Variants in FER1L5 observed in about 807,000 individuals in gnomAD.
FER1L5 encodes the protein fer-1 like family member 5.
A neutral mutation model predicts 279.9 loss-of-function variants in FER1L5; 187 were observed. That is an observed-to-expected ratio of 0.67 (90% CI 0.59 to 0.75). FER1L5 has a LOEUF of 0.75. Ranked by LOEUF, FER1L5 falls within the 30% of genes least tolerant of loss-of-function variation. The probability of loss-of-function intolerance (pLI) is 0.00; values close to 1 mark genes in which losing one functional copy is unlikely to be tolerated. For synonymous variants in FER1L5, 921 were observed against 989.7 expected, an observed-to-expected ratio of 0.93 and a Z score of 1.30; for missense variants, 2,091 against 2,594.4, an observed-to-expected ratio of 0.81 and a Z score of 4.21.
chr2:96,659,134 C>T (rs2075718606), intron 9 of FER1L5, among the ~76,000 whole-genome samples: 2 of 151,558 alleles, frequency 1.3e-5, no homozygotes, highest in Admixed American at 6.6e-5. Context: ...GGGATTTCAC[C>T]GTGTTAGCCA....
In FER1L5 at chr2:96,703,587, G is replaced by A. The variant is rs1371809293; in HGVS notation, c.5756G>A (p.Arg1919Gln). Residue 1919 changes from arginine to glutamine, a missense_variant, in exon 51 of 53, where the codon CGA (arginine) becomes CAA (glutamine). Transcript: ENST00000624922. ...GAAGCCTTAATCAAGCCAGCCGGGC[G>A]AGGCCAGTCGGAACCCAACCAGTAC... is the stretch of plus-strand genomic sequence containing the variant. ...EKEALIKPAG[R>Q]GQSEPNQYPT... 6 of 1,613,790 alleles carry A rather than the reference G, an allele frequency of 3.7e-6. No homozygotes were observed. Among genetic ancestry groups the A allele is most frequent in the African/African-American group, 1.3e-5 (1 of 74,880 alleles).
chr2:96,652,284 T>C (rs1393510043), intron 7 of FER1L5: 2 of 482,474 alleles, frequency 4.1e-6, no homozygotes, highest in African/African-American at 3.9e-5. Context: ...TTTACAGAGG[T>C]CTGGGAGTAT....
At chr2:96,659,404 T>C (rs1300568345) in intron 9 of FER1L5, among the ~76,000 whole-genome samples, 84 of 5,612 alleles carry the variant, frequency 0.015, no homozygotes, top group Non-Finnish European at 0.02. Context: ...TTTCTTTCTT[T>C]CTTTCTTTCT....
chr2:96,649,400 A>C (rs1453120450), intron 4 of FER1L5, among the ~76,000 whole-genome samples: 1 of 152,030 alleles, frequency 6.6e-6, no homozygotes. Flanking sequence ...GCTTTAATCT[A>C]CAAACATCCC....
At chr2:96,660,487 G>T in intron 10 of FER1L5, 116 bp downstream of exon 10, 1 of 879,910 alleles carries the variant, frequency 1.1e-6, no homozygotes, top group Non-Finnish European at 1.8e-6. Context: ...ATTAGAGATT[G>T]TAAATTATTT....
intron 4 of FER1L5, 106 bp downstream of exon 4, chr2:96,647,992 C>T (rs1460372337): frequency 1.3e-6 from 1 of 777,930 alleles, no homozygotes; most frequent in Non-Finnish European, 2.2e-6. Flanking sequence ...GGCCCCATCA[C>T]ACTGCCTTCC....
Position 96,690,517 on chromosome 2 carries a change from G to T in FER1L5, c.2671G>T (p.Val891Leu). 6.4e-7 allele frequency: 1 copy of T among 1,551,628 alleles called. No individual in the cohort carries two copies. ...NGQPMEARENVKCPQGWHFKK... is the reference protein window; with the variant it reads ...NGQPMEARENLKCPQGWHFKK... ...ACAGCCCATGGAGGCCCGGGAGAAC[G>T]TGAAGTGCCCCCAAGGCTGGCACTT... is the stretch of plus-strand genomic sequence containing the variant. Residue 891 changes from valine to leucine, a missense_variant, in exon 27 of 53, where the codon GTG becomes TTG. Val to Leu is a conservative substitution (Grantham distance 32). Coordinates refer to ENST00000624922, the MANE Select transcript of FER1L5 (RefSeq NM_001293083.2).
rs762893954 is a variant in FER1L5, at chr2:96,703,003, C to T, written c.5423C>T (p.Thr1808Met). Residue 1808 changes from threonine to methionine, a missense_variant, in exon 49 of 53, where the codon ACG becomes ATG. Coordinates refer to ENST00000624922, the MANE Select transcript of FER1L5 (RefSeq NM_001293083.2). ...QKDYIWSLDA[T>M]SMKFPARLII... ...GATTACATATGGAGCCTGGATGCCACGTCCATGAAGTTCCCAGCCCGACTT... is the reference window on the plus strand; with the variant it reads ...GATTACATATGGAGCCTGGATGCCATGTCCATGAAGTTCCCAGCCCGACTT... 17 of 1,612,946 alleles carry T rather than the reference C, an allele frequency of 1.1e-5. No individual in the cohort carries two copies. Among genetic ancestry groups the T allele is most frequent in the Non-Finnish European group, 1.4e-5 (16 of 1,179,554 alleles).
intron 22 of FER1L5, 33 bp from the exon 23 acceptor site, chr2:96,686,162 C>T (rs1388655182): frequency 7.8e-6 from 12 of 1,546,936 alleles, no homozygotes; most frequent in South Asian, 1.2e-5. Flanking sequence ...GGGAGCCAGC[C>T]GCGCAGGGCC....
At chr2:96,659,533 C>A (rs1213171770) in intron 9 of FER1L5, among the ~76,000 whole-genome samples, 2 of 141,396 alleles carry the variant, frequency 1.4e-5, no homozygotes, top group African/African-American at 5.3e-5. Context: ...GCTCTGTCGC[C>A]CAGGCTGGAG....
chr2:96,668,767 G>A lies in FER1L5; in HGVS notation c.1157G>A (p.Ser386Asn). ...TFRIQLPCLS[S>N]YIKFRVLDCR... Reference sequence around the variant, plus strand: ...CCTCCACAGCTACCCTGCCTCTCCAGCTACATCAAGTTCAGAGTCTTGGAC... The same window carrying A: ...CCTCCACAGCTACCCTGCCTCTCCAACTACATCAAGTTCAGAGTCTTGGAC... Residue 386 changes from serine (S) to asparagine (N), a missense_variant, in exon 15 of 53, where the codon AGC (serine) becomes AAC (asparagine). By Grantham distance (46) the Ser-to-Asn change is conservative. Transcript: ENST00000624922. The A allele has an allele frequency of 6.4e-7, 1 of 1,551,602 alleles. No homozygotes were observed. The highest frequency in any genetic ancestry group is 8.7e-7 in the Non-Finnish European group (1 of 1,146,956).
chr2:96,704,539 C>T lies in FER1L5; in HGVS notation c.6021C>T (p.Ile2007=). The T allele has an allele frequency of 1.2e-6, 2 of 1,613,906 alleles. No individual in the cohort carries two copies. Among genetic ancestry groups the T allele is most frequent in the Non-Finnish European group, 8.5e-7 (1 of 1,179,886 alleles). ...LYPPIKIFNI[I]NSLNTSNASS... is the part of the protein sequence containing the mutation. ...CTCCCATTAAAATATTCAATATCAT[C>T]AATTCACTAAACACCAGCAACGCCA... The change falls in exon 53 of 53, where the codon ATC becomes ATT. Residue 2007 remains isoleucine (I), a synonymous_variant. Coordinates refer to ENST00000624922, the MANE Select transcript of FER1L5 (RefSeq NM_001293083.2).
At chr2:96,684,238 C>T in intron 19 of FER1L5, 89 bp from the exon 20 acceptor site, 1 of 1,485,790 alleles carries the variant, frequency 6.7e-7, no homozygotes. Flanking sequence ...GTGCAGTGGT[C>T]CAGAGAGGTC....
intron 14 of FER1L5, among the ~76,000 whole-genome samples, chr2:96,665,817 C>T (rs1011553818): frequency 3.3e-5 from 5 of 152,042 alleles, no homozygotes; most frequent in Non-Finnish European, 7.4e-5. Flanking sequence ...AACACCTGAC[C>T]TCAGGTGATC....
intron 2 of FER1L5, among the ~76,000 whole-genome samples, chr2:96,646,692 A>G (rs575151063): frequency 2.0e-5 from 3 of 152,272 alleles, no homozygotes; most frequent in South Asian, 4.1e-4. Context: ...GGACCATGGT[A>G]TGGCCTATCA....
chr2:96,680,531 T>G (rs2076681188), intron 19 of FER1L5, among the ~76,000 whole-genome samples: 2 of 152,098 alleles, frequency 1.3e-5, no homozygotes, highest in South Asian at 2.1e-4. Flanking sequence ...TAGATCTTCA[T>G]AGAAAGTCCT....
chr2:96,648,304 G>C (rs568007845), intron 4 of FER1L5, among the ~76,000 whole-genome samples: 2 of 152,358 alleles, frequency 1.3e-5, no homozygotes, highest in Non-Finnish European at 2.9e-5. Flanking sequence ...GAAATGTAGG[G>C]AGACCATCCA....
intron 19 of FER1L5, among the ~76,000 whole-genome samples, 181 bp from the exon 20 acceptor site, chr2:96,684,146 C>T (rs1289299607): frequency 6.6e-6 from 1 of 152,232 alleles, no homozygotes; most frequent in Non-Finnish European, 1.5e-5. Flanking sequence ...TGCACACATT[C>T]TCACATTCTC....
rs2076309375 is a variant in FER1L5 at position 96,671,106 on chromosome 2, C to CAGAAAAAAAAAAAAAAAA, written c.1491+860_1491+861insGAAAAAAAAAAAAAAAAA. ...TGGGTGACAGAGTGAGACTCCATCTCAAAAAAAAAAAAAAAAAAAAAAGGA... is the reference window on the plus strand; with the variant it reads ...TGGGTGACAGAGTGAGACTCCATCTCAGAAAAAAAAAAAAAAAAAAAAAAAAAAAAAAAAAAAAAAGGA... On this transcript the variant is annotated intron_variant, in intron 18 of 52. Coordinates refer to ENST00000624922, the MANE Select transcript of FER1L5 (RefSeq NM_001293083.2). Among the ~76,000 whole-genome samples, 2 of 40,222 alleles carry CAGAAAAAAAAAAAAAAAA rather than the reference C, an allele frequency of 5.0e-5. 1 individual carries two copies. The highest frequency in any genetic ancestry group is 7.9e-5 in the Non-Finnish European group (2 of 25,354). The allele number at this position is 40,222 out of a possible 152,430, so 26.4% of individuals were successfully genotyped here. A position where few individuals can be genotyped will look rare whatever the true frequency, so the allele number is the denominator to read the frequency against.
Sources: allele counts gnomAD v4.1 joint callset (sites outside exome capture counted in the v4.1 genomes callset), GRCh38; gene constraint gnomAD v4.1.1; transcripts MANE v1.5; gene names NCBI Gene and HGNC (gene_info 2026-07-23, HGNC 2026-07-21).